SUMF1: variants seen among roughly 807,000 people sequenced by gnomAD.
SUMF1 encodes sulfatase modifying factor 1.
In SUMF1, 48 loss-of-function variants were observed where a neutral mutation model predicts 47.6. The ratio of observed to expected loss-of-function variants is 1.01; its 90% CI spans 0.80 to 1.28. The LOEUF is 1.28. Ranked by LOEUF, SUMF1 falls within the 50% of genes most tolerant of loss-of-function variation. SUMF1 has a pLI of 0.00. For synonymous variants in SUMF1, 230 were observed against 192.1 expected (o/e 1.20, Z -1.63); for missense variants, 571 against 485.4 (o/e 1.18, Z -1.66).
rs1299373745 is a variant in SUMF1, at chr3:4,093,560, A to C, written c.1015-24815T>G. The stretch of plus-strand genomic sequence containing the variant: ...GAGTAGGAGCATACAAACACTAAAC[A>C]AAAAAAAAGTTTTCTAGATAGAATA... On this transcript the variant is annotated intron_variant and NMD_transcript_variant, in intron 8 of 12. Transcript: ENST00000448413. Among the ~76,000 whole-genome samples the C allele has an allele frequency of 2.6e-5, 4 of 151,768 alleles. No individual in the cohort carries two copies. In the East Asian group the frequency reaches 5.8e-4, roughly 22 times the overall value.
rs1335837960 is a variant in SUMF1 at position 4,379,391 on chromosome 3, G to A, written c.955-3002C>T. 1.3e-5 allele frequency among the ~76,000 whole-genome samples: 2 copies of A among 152,232 alleles called. 1 individual carries two copies. The highest frequency in any genetic ancestry group is 2.9e-5 in the Non-Finnish European group (2 of 68,030). On this transcript the variant is annotated intron_variant, in intron 7 of 8. Transcript: ENST00000272902. ...AGGAACACAGAGAAGTCTATGTGGT[G>A]ATGGAGGCAGGGACTGGAGTGAGGC...
At chr3:4,338,570 A>G (rs184687203) in intron 8 of SUMF1, among the ~76,000 whole-genome samples, 7 of 152,320 alleles carry the variant, frequency 4.6e-5, no homozygotes, top group Admixed American at 2.6e-4. Context: ...AATTCATTCA[A>G]CCAATGTTTT....
At chr3:4,253,958 G>A (rs1375105447) in intron 8 of SUMF1, among the ~76,000 whole-genome samples, 2 of 150,758 alleles carry the variant, frequency 1.3e-5, no homozygotes, top group Admixed American at 1.3e-4. Context: ...CCTGACCCCT[G>A]ACCCCCGAGC....
At chr3:4,072,389 A>G (rs1316854756) in intron 8 of SUMF1, among the ~76,000 whole-genome samples, 1 of 152,208 alleles carries the variant, frequency 6.6e-6, no homozygotes, top group Admixed American at 6.5e-5. Context: ...CCAGAGCAGA[A>G]AGCCTGAAAA....
intron 8 of SUMF1, among the ~76,000 whole-genome samples, chr3:4,163,408 G>C (rs867892235): frequency 3.7e-5 from 2 of 53,800 alleles, no homozygotes; most frequent in Non-Finnish European, 8.6e-5. Context: ...GGGAGGGAGG[G>C]AGGGAGGGAG....
chr3:4,456,165 C>T (rs377625136), intron 1 of SUMF1, among the ~76,000 whole-genome samples: 1 of 152,146 alleles, frequency 6.6e-6, no homozygotes, highest in Non-Finnish European at 1.5e-5. Flanking sequence ...TAAAATTCAA[C>T]ATCTTTTCAT....
chr3:4,204,492 C>T (rs1490620846), intron 8 of SUMF1, among the ~76,000 whole-genome samples: 1 of 151,966 alleles, frequency 6.6e-6, no homozygotes, highest in African/African-American at 2.4e-5. Flanking sequence ...TGTTCTATAA[C>T]CTTCTTGTGC....
chr3:4,177,931 G>C (rs1695003258), intron 8 of SUMF1, among the ~76,000 whole-genome samples: 1 of 152,096 alleles, frequency 6.6e-6, no homozygotes, highest in Non-Finnish European at 1.5e-5. Context: ...AAATAAACTA[G>C]AAAATCTAGA....
chr3:4,450,309 G>A (rs912563154), intron 2 of SUMF1, among the ~76,000 whole-genome samples: 1 of 152,152 alleles, frequency 6.6e-6, no homozygotes, highest in Non-Finnish European at 1.5e-5. Flanking sequence ...ACTATAGCCA[G>A]TACTCCAAAT....
rs536946908 is a variant in SUMF1 at position 4,168,368 on chromosome 3, C to A, written c.1015-99623G>T. ...TTTGCCCAAGGATAAATATAAAACT[C>A]TTTAGCCTTGAGTTCTGAGCCTTTA... On this transcript the variant is annotated intron_variant and NMD_transcript_variant, in intron 8 of 12. Transcript: ENST00000448413. Among the ~76,000 whole-genome samples the A allele has an allele frequency of 1.1e-3, 175 of 152,268 alleles. 3 individuals are homozygous for A. The highest frequency in any genetic ancestry group is 9.7e-4 in the East Asian group (5 of 5,174).
At chr3:4,116,854 C>T (rs1693434687) in intron 8 of SUMF1, among the ~76,000 whole-genome samples, 1 of 152,054 alleles carries the variant, frequency 6.6e-6, no homozygotes. Context: ...AATCATGAGT[C>T]CAAATCTGTC....
chr3:4,400,404 A>C (rs1701172916), intron 7 of SUMF1, among the ~76,000 whole-genome samples: 1 of 152,224 alleles, frequency 6.6e-6, no homozygotes, highest in Non-Finnish European at 1.5e-5. Flanking sequence ...ATGATAAGAA[A>C]CCACCATTAG....
At chr3:4,119,644 G>C (rs937431325) in intron 8 of SUMF1, among the ~76,000 whole-genome samples, 4 of 152,182 alleles carry the variant, frequency 2.6e-5, no homozygotes, top group East Asian at 1.9e-4. Context: ...GATATCCTGT[G>C]TTGTTATCTC....
intron 3 of SUMF1, among the ~76,000 whole-genome samples, chr3:4,424,826 G>A (rs536590416): frequency 2.3e-4 from 35 of 152,306 alleles, no homozygotes; most frequent in Non-Finnish European, 4.4e-4. Context: ...TAACATAAGC[G>A]AAGGATCAGG....
At chr3:4,137,127 T>C (rs1469132890) in intron 8 of SUMF1, among the ~76,000 whole-genome samples, 1 of 152,088 alleles carries the variant, frequency 6.6e-6, no homozygotes, top group Admixed American at 6.5e-5. Flanking sequence ...ACTGGGTATA[T>C]ACCCAAAGGA....
intron 8 of SUMF1, among the ~76,000 whole-genome samples, chr3:4,251,579 A>T (rs1406691096): frequency 6.6e-6 from 1 of 152,210 alleles, no homozygotes; most frequent in East Asian, 1.9e-4. Context: ...GGCAAGCTTC[A>T]TTGTTGTCTT....
At chr3:4,333,779 A>AT (rs980007087) in intron 8 of SUMF1, among the ~76,000 whole-genome samples, 8 of 151,346 alleles carry the variant, frequency 5.3e-5, no homozygotes, top group Non-Finnish European at 1.0e-4. Flanking sequence ...CAGGAGAACA[A>AT]TTTTTTTTTA....
chr3:4,292,935 T>G (rs1418561005), intron 8 of SUMF1, among the ~76,000 whole-genome samples: 4 of 152,200 alleles, frequency 2.6e-5, no homozygotes, highest in Non-Finnish European at 5.9e-5. Flanking sequence ...CAAATTATAT[T>G]CAATGTTCTT....
At chr3:4,151,792 T>C (rs1487190266) in intron 8 of SUMF1, among the ~76,000 whole-genome samples, 1 of 151,234 alleles carries the variant, frequency 6.6e-6, no homozygotes, top group Non-Finnish European at 1.5e-5. Flanking sequence ...ACCTGGGCTA[T>C]ATGCAGCCTG....
Sources: allele counts gnomAD v4.1 joint callset (sites outside exome capture counted in the v4.1 genomes callset), GRCh38; gene constraint gnomAD v4.1.1; transcripts MANE v1.5; gene names NCBI Gene and HGNC (gene_info 2026-07-23, HGNC 2026-07-21).